The following MYH7B variants were observed in gnomAD, a reference collection of about 807,000 sequenced individuals.
MYH7B encodes myosin heavy chain 7B.
MYH7B carries 205 observed loss-of-function variants against 234.5 expected under a neutral mutation model. The observed-to-expected ratio is 0.87, with a 90% CI of 0.78 to 0.98. The LOEUF is 0.98. Ranked by LOEUF, MYH7B falls within the 50% of genes least tolerant of loss-of-function variation. The pLI is 0.00. For missense variants in MYH7B, 2,652 were observed against 2,633.4 expected, an observed-to-expected ratio of 1.01 and a Z score of -0.15; for synonymous variants, 1,193 against 1,105.0, an observed-to-expected ratio of 1.08 and a Z score of -1.58.
chr20:35,001,428 C>T lies in MYH7B; in HGVS notation c.5581-3C>T, dbSNP rs779992988. ...AAGCCCTGAGTCCCCCTTGCCCGCC[C>T]AGGCCGAGGAGGACAGGAAGAACCT... is the stretch of plus-strand genomic sequence containing the variant. On this transcript the variant is annotated splice_polypyrimidine_tract_variant and splice_region_variant and intron_variant, in intron 42 of 44. Transcript: ENST00000262873. 2.1e-5 allele frequency: 34 copies of T among 1,597,722 alleles called. No individual in the cohort carries two copies. Among genetic ancestry groups the T allele is most frequent in the Non-Finnish European group, 2.6e-5 (31 of 1,172,572 alleles).
chr20:34,995,268 G>T (rs767139952), intron 27 of MYH7B, 68 bp from the exon 28 acceptor site: 1 of 1,524,186 alleles, frequency 6.6e-7, no homozygotes, highest in Non-Finnish European at 9.0e-7. Context: ...TCCAGGGCCT[G>T]GCCTGGTGTC....
chr20:35,002,021 C>A (rs1370168023), exon 44 of MYH7B: 1 of 1,614,048 alleles, frequency 6.2e-7, no homozygotes, highest in East Asian at 2.2e-5. Flanking sequence ...GAGGAGCGGG[C>A]AGACATGGCG....
intron 28 of MYH7B, 131 bp downstream of exon 28, chr20:34,995,709 G>A: frequency 1.4e-6 from 2 of 1,391,722 alleles, no homozygotes; most frequent in Non-Finnish European, 9.6e-7. Context: ...TGCCTTTCCT[G>A]GGCCTCAGTT....
Position 34,999,044 on chromosome 20 carries a change from T to C in MYH7B, c.4191-12T>C, listed in dbSNP as rs1331313826. 6.2e-7 allele frequency: 1 copy of C among 1,603,022 alleles called. No homozygotes were observed. The highest frequency in any genetic ancestry group is 8.5e-7 in the Non-Finnish European group (1 of 1,174,546). On this transcript the variant is annotated splice_polypyrimidine_tract_variant and intron_variant, in intron 35 of 44. Transcript: ENST00000262873. ...TTCCATGGTCCACACCTTGTCTGGT[T>C]CCATGGCCTAGAAAAAAGCTGGCAC... is the stretch of plus-strand genomic sequence containing the variant.
chr20:34,996,212 G>A lies in MYH7B; in HGVS notation c.2944-134G>A, dbSNP rs1056783909. ...GAGGGTCCTTCCCTCAGGCAGAAGC[G>A]GTGGAGGCTCGGAGTCAAGTGACTT... On this transcript the variant is annotated intron_variant, in intron 28 of 44. Coordinates refer to ENST00000262873, the Ensembl canonical transcript of MYH7B. The A allele has an allele frequency of 4.3e-5, 44 of 1,026,358 alleles. No individual in the cohort carries two copies. The East Asian group carries it at 4.4e-4, about 10-fold the overall frequency. The allele number at this position is 1,026,358 out of a possible 1,614,324, so 63.6% of individuals were successfully genotyped here.
At chr20:34,980,151 T>A in intron 7 of MYH7B, 1 of 374,044 alleles carries the variant, frequency 2.7e-6, no homozygotes, top group Non-Finnish European at 5.0e-6. Flanking sequence ...CCACAGAGGG[T>A]GTGGTGTGGC....
At chr20:34,990,671 C>T (rs2082129550) in intron 22 of MYH7B, 67 bp from the exon 23 acceptor site, 4 of 1,472,474 alleles carry the variant, frequency 2.7e-6, no homozygotes, top group African/African-American at 1.4e-5. Flanking sequence ...CGGTCCTGAC[C>T]ACTGCGGCAT....
chr20:35,001,134 G>A (rs1198716858), exon 41 of MYH7B: 2 of 1,613,738 alleles, frequency 1.2e-6, no homozygotes, highest in Non-Finnish European at 1.7e-6. Context: ...GCGGGAAGAA[G>A]CAGGTGCAGA....
intron 2 of MYH7B, among the ~76,000 whole-genome samples, chr20:34,968,010 C>T (rs983331756): frequency 6.6e-6 from 1 of 152,250 alleles, no homozygotes; most frequent in Non-Finnish European, 1.5e-5. Flanking sequence ...TACCCCAACA[C>T]CCACAGAGCC....
At chr20:34,970,858 G>A (rs1056162704) in intron 2 of MYH7B, among the ~76,000 whole-genome samples, 8 of 152,206 alleles carry the variant, frequency 5.3e-5, no homozygotes, top group African/African-American at 1.9e-4. Context: ...AGACCCTTGA[G>A]AGATACGATG....
At chr20:34,980,311 G>C in intron 7 of MYH7B, 1 of 402,346 alleles carries the variant, frequency 2.5e-6, no homozygotes. Flanking sequence ...CACTTTGGGA[G>C]GGCAAGGCGG....
At position 34,999,764 on chromosome 20, in the gene MYH7B, C is replaced by T. The variant is rs547607853; in HGVS notation, c.4666-27C>T. 36 of 1,182,492 alleles carry T rather than the reference C, an allele frequency of 3.0e-5. 1 individual carries two copies. Among genetic ancestry groups the T allele is most frequent in the African/African-American group, 1.8e-4 (11 of 60,050 alleles). 73.2% of individuals were successfully genotyped at this position (1,182,492 alleles called of 1,614,324 possible). A position where few individuals can be genotyped will look rare whatever the true frequency, so the allele number is the denominator to read the frequency against. ...TCCACTGGCCATCCCCCCCCCCCACCCTACCCTGCCTGCTCTGTATCCACA... is the reference window on the plus strand; with the variant it reads ...TCCACTGGCCATCCCCCCCCCCCACTCTACCCTGCCTGCTCTGTATCCACA... On this transcript the variant is annotated intron_variant, in intron 37 of 44. Coordinates refer to ENST00000262873, the Ensembl canonical transcript of MYH7B.
At chr20:34,989,347 T>C (rs762171196) in intron 19 of MYH7B, among the ~76,000 whole-genome samples, 1 of 152,224 alleles carries the variant, frequency 6.6e-6, no homozygotes, top group Non-Finnish European at 1.5e-5. Flanking sequence ...GGCTTAGTGA[T>C]GTCGGAGGGC....
rs757966276 is a variant in MYH7B at position 35,000,449 on chromosome 20, C to G, written c.4938C>G (p.Ala1646=). 9 of 1,601,988 alleles carry G rather than the reference C, an allele frequency of 5.6e-6. No individual in the cohort carries two copies. In the South Asian group the frequency reaches 8.8e-5, roughly 16 times the overall value. The change falls in exon 39 of 45, where the codon GCC becomes GCG. Residue 1646 remains alanine (A), a synonymous_variant. Transcript: ENST00000262873. ...ATGCCACCCGTCAGGCCACAGAGGCCCAGGCTGCCACGCGGCTGATGCAGG... is the reference window on the plus strand; with the variant it reads ...ATGCCACCCGTCAGGCCACAGAGGCGCAGGCTGCCACGCGGCTGATGCAGG...
chr20:34,985,992 A>C, intron 13 of MYH7B, 108 bp from the exon 14 acceptor site: 1 of 905,268 alleles, frequency 1.1e-6, no homozygotes, highest in Non-Finnish European at 1.8e-6. Flanking sequence ...GTGCAGATGC[A>C]GCCCCCCTGC....
chr20:34,986,651 A>G (rs1435581261), intron 14 of MYH7B, among the ~76,000 whole-genome samples: 1 of 152,214 alleles, frequency 6.6e-6, no homozygotes, highest in East Asian at 1.9e-4. Flanking sequence ...AGAACCAGAA[A>G]AAGAAGCCAG....
At chr20:34,975,196 G>A (rs576609269) in intron 2 of MYH7B, among the ~76,000 whole-genome samples, 16 of 152,278 alleles carry the variant, frequency 1.1e-4, no homozygotes, top group African/African-American at 3.8e-4. Flanking sequence ...TTCTGTTTTT[G>A]TACAGGGTAC....
chr20:34,993,475 G>A lies in MYH7B; in HGVS notation c.2444+5G>A. 1.3e-6 allele frequency: 2 copies of A among 1,588,456 alleles called. No homozygotes were observed. Among genetic ancestry groups the A allele is most frequent in the East Asian group, 2.3e-5 (1 of 43,938 alleles). ...CCAGCGCCTGCTGGGAGGCAGGTGGGTGTGGGAAGGAGGCTGGGGACAGGG... is the reference window on the plus strand; with the variant it reads ...CCAGCGCCTGCTGGGAGGCAGGTGGATGTGGGAAGGAGGCTGGGGACAGGG... On this transcript the variant is annotated splice_donor_5th_base_variant and intron_variant, in intron 26 of 44. Coordinates refer to ENST00000262873, the Ensembl canonical transcript of MYH7B.
At chr20:34,983,173 CCCCACCCAGT>C (rs1290635040) in intron 10 of MYH7B, among the ~76,000 whole-genome samples, 3 of 152,202 alleles carry the variant, frequency 2.0e-5, no homozygotes, top group Admixed American at 2.0e-4. Flanking sequence ...AGGCCTCCCT[CCCCACCCAGT>C]CCCTGCTCCT....
Sources: gnomAD v4.1 joint callset for allele counts (sites outside exome capture counted in the v4.1 genomes callset) on GRCh38, gnomAD v4.1.1 for gene constraint, MANE v1.5 for transcripts, NCBI Gene and HGNC (gene_info 2026-07-23, HGNC 2026-07-21) for gene names.